POFUT3: variants seen among roughly 807,000 people sequenced by gnomAD.
POFUT3 encodes the protein protein O-fucosyltransferase 3.
At chr8:33,327,341 C>A in the POFUT3 span, among the ~76,000 whole-genome samples, 14 of 152,256 alleles carry the variant, frequency 9.2e-5, no homozygotes, top group Middle Eastern at 3.4e-3. Context: ...GGCCTTAGCA[C>A]CATTTTCATA....
the POFUT3 span, among the ~76,000 whole-genome samples, chr8:33,318,412 G>A: frequency 1.4e-5 from 2 of 145,738 alleles, no homozygotes; most frequent in East Asian, 2.0e-4. Context: ...AAGATTTTAT[G>A]CACACATACA....
the POFUT3 span, chr8:33,436,572 T>A: frequency 1.1e-6 from 1 of 904,994 alleles, no homozygotes; most frequent in Non-Finnish European, 1.8e-6. Flanking sequence ...CAGTTCTGTC[T>A]TCTATGTGCA....
the POFUT3 span, among the ~76,000 whole-genome samples, chr8:33,462,714 G>A: frequency 0.016 from 2,508 of 152,010 alleles, 85 homozygotes; most frequent in African/African-American, 0.057. Context: ...AGGATGGCTT[G>A]TGCCCAGGAG....
the POFUT3 span, among the ~76,000 whole-genome samples, chr8:33,334,511 C>T: frequency 2.6e-5 from 4 of 152,264 alleles, no homozygotes; most frequent in South Asian, 2.1e-4. Flanking sequence ...CCACAGTACC[C>T]GGCCGAGTTG....
At chr8:33,312,751 C>T in the POFUT3 span, among the ~76,000 whole-genome samples, 2 of 152,094 alleles carry the variant, frequency 1.3e-5, no homozygotes, top group Non-Finnish European at 2.9e-5. Flanking sequence ...TTTATCAAAT[C>T]CCCAGAACGC....
At chr8:33,310,411 A>G in the POFUT3 span, among the ~76,000 whole-genome samples, 1 of 152,232 alleles carries the variant, frequency 6.6e-6, no homozygotes, top group South Asian at 2.1e-4. Flanking sequence ...TCCTTTTTCA[A>G]AACACAATAA....
At chr8:33,341,439 A>G in the POFUT3 span, among the ~76,000 whole-genome samples, 2 of 151,320 alleles carry the variant, frequency 1.3e-5, no homozygotes, top group Admixed American at 6.6e-5. Context: ...CATCTCAAAA[A>G]AAAAAAAAAA....
chr8:33,361,381 C>T, the POFUT3 span: 1 of 152,184 alleles, frequency 6.6e-6, no homozygotes, highest in African/African-American at 2.4e-5. Context: ...CAAATGTGAA[C>T]TTTTAGTACT....
chr8:33,323,239 G>A, the POFUT3 span, among the ~76,000 whole-genome samples: 4 of 152,090 alleles, frequency 2.6e-5, no homozygotes, highest in Non-Finnish European at 4.4e-5. Context: ...TTGATGATGC[G>A]GACAGTATGT....
chr8:33,393,818 A>C, the POFUT3 span, among the ~76,000 whole-genome samples: 1 of 152,342 alleles, frequency 6.6e-6, no homozygotes, highest in South Asian at 2.1e-4. Flanking sequence ...GCTTTAGCAC[A>C]CGAATGATGT....
At chr8:33,381,672 G>A in the POFUT3 span, among the ~76,000 whole-genome samples, 2 of 152,248 alleles carry the variant, frequency 1.3e-5, no homozygotes, top group Non-Finnish European at 1.5e-5. Context: ...CATTTGTTAC[G>A]AGTTCATCAT....
the POFUT3 span, among the ~76,000 whole-genome samples, chr8:33,470,024 A>G: frequency 6.7e-6 from 1 of 150,080 alleles, no homozygotes; most frequent in East Asian, 2.0e-4. Context: ...TAACCTCCTG[A>G]CCTCGTGATC....
chr8:33,352,121 C>T, the POFUT3 span, among the ~76,000 whole-genome samples: 1 of 152,130 alleles, frequency 6.6e-6, no homozygotes, highest in Non-Finnish European at 1.5e-5. Flanking sequence ...AAAAAGAAAC[C>T]CCTCTTGTGT....
At chr8:33,439,512 A>T in the POFUT3 span, among the ~76,000 whole-genome samples, 1 of 152,170 alleles carries the variant, frequency 6.6e-6, no homozygotes, top group South Asian at 2.1e-4. Flanking sequence ...AAACAAAATA[A>T]AAATCAGATC....
chr8:33,428,083 C>T, the POFUT3 span, among the ~76,000 whole-genome samples: 3,545 of 152,204 alleles, frequency 0.023, 73 homozygotes, highest in East Asian at 0.11. Context: ...AAGATCGCAA[C>T]AGTGCACTCC....
At chr8:33,419,169 G>A in the POFUT3 span, among the ~76,000 whole-genome samples, 1 of 152,104 alleles carries the variant, frequency 6.6e-6, no homozygotes, top group Admixed American at 6.6e-5. Context: ...AGCAGAGTAG[G>A]GTGACTACAG....
the POFUT3 span, among the ~76,000 whole-genome samples, chr8:33,431,347 G>C: frequency 6.6e-6 from 1 of 151,508 alleles, no homozygotes; most frequent in African/African-American, 2.4e-5. Context: ...AGGAGTTCAA[G>C]ACCAGCCTGG....
chr8:33,466,852 C>T, the POFUT3 span, among the ~76,000 whole-genome samples: 1 of 152,144 alleles, frequency 6.6e-6, no homozygotes, highest in Non-Finnish European at 1.5e-5. Context: ...CACCTGTAAT[C>T]TCAGTACTTT....
chr8:33,309,123 A>C, the POFUT3 span, among the ~76,000 whole-genome samples: 1 of 110,484 alleles, frequency 9.1e-6, no homozygotes, highest in Non-Finnish European at 1.7e-5. Context: ...TGAATCCTCC[A>C]TAGTCTGGGG....
Sources: gnomAD v4.1 joint callset for allele counts (sites outside exome capture counted in the v4.1 genomes callset) on GRCh38, gnomAD v4.1.1 for gene constraint, MANE v1.5 for transcripts, NCBI Gene and HGNC (gene_info 2026-07-23, HGNC 2026-07-21) for gene names.